The following A2ML1 variants were observed in gnomAD, a reference collection of about 807,000 sequenced individuals.
A2ML1 encodes the protein alpha-2-macroglobulin like 1, also known as alpha-2-macroglobulin-like protein 1.
A2ML1 carries 161 observed loss-of-function variants against 181.9 expected under a neutral mutation model. That is an observed-to-expected ratio of 0.89 (90% CI 0.78 to 1.01). The LOEUF (loss-of-function observed/expected upper bound fraction) is 1.01. Among genes scored for constraint, A2ML1 ranks in the 50% least tolerant of loss-of-function variants. A2ML1 has a pLI of 0.00. For synonymous variants in A2ML1, 663 were observed against 666.8 expected, an observed-to-expected ratio of 0.99 and a Z score of 0.09; for missense variants, 1,670 against 1,768.1, an observed-to-expected ratio of 0.94 and a Z score of 1.00.
rs756360339 is a variant in A2ML1 at position 8,843,721 on chromosome 12, C to CTT, written c.1476+374_1476+375dup. Among the ~76,000 whole-genome samples the CTT allele has an allele frequency of 5.9e-4, 79 of 133,612 alleles. 1 individual carries two copies. Among genetic ancestry groups the CTT allele is most frequent in the South Asian group, 1.4e-3 (6 of 4,152 alleles). The allele number at this position is 133,612 out of a possible 152,430, so 87.7% of individuals were successfully genotyped here. On this transcript the variant is annotated intron_variant, in intron 12 of 35. Coordinates refer to ENST00000299698, the MANE Select transcript of A2ML1 (RefSeq NM_144670.6). ...AAGTATTCAATATTCCTTTTTTTTT[C>CTT]TTTTTTTTTTTTTTTGAGACACAGT...
chr12:8,868,812 A>G (rs1202430495), intron 32 of A2ML1, among the ~76,000 whole-genome samples, 185 bp downstream of exon 32: 1 of 152,024 alleles, frequency 6.6e-6, no homozygotes, highest in Non-Finnish European at 1.5e-5. Context: ...ATATATATAT[A>G]TGGCATCCAT....
At chr12:8,824,330 GT>G (rs1334282409) in intron 3 of A2ML1, among the ~76,000 whole-genome samples, 1 of 147,564 alleles carries the variant, frequency 6.8e-6, no homozygotes, top group African/African-American at 2.5e-5. Flanking sequence ...CTATGTTTGG[GT>G]TTTTTTTATT....
chr12:8,868,279 G>A lies in A2ML1; in HGVS notation c.3983G>A (p.Ser1328Asn). 1 of 1,613,974 alleles carries A rather than the reference G, an allele frequency of 6.2e-7. No individual in the cohort carries two copies. The highest frequency in any genetic ancestry group is 2.2e-5 in the East Asian group (1 of 44,884). ...CCTCCCACAAATATGAAGACCTTTA[G>A]TCTTAGTGTGGAAATAGGAAAAGCT... ...ILPPTNMKTF[S>N]LSVEIGKARC... Residue 1328 changes from serine (S) to asparagine (N), a missense_variant, in exon 31 of 36, where the codon AGT (serine) becomes AAT (asparagine). Physicochemically the swap from Ser to Asn is conservative, Grantham distance 46 (BLOSUM62 1). Transcript: ENST00000299698.
At chr12:8,861,651 C>T (rs1016681221) in intron 28 of A2ML1, among the ~76,000 whole-genome samples, 48 of 151,668 alleles carry the variant, frequency 3.2e-4, no homozygotes, top group African/African-American at 2.2e-4. Context: ...CCACGCCCGG[C>T]GAATTTTTTG....
chr12:8,887,256 G>A (rs751545553), downstream of A2ML1, among the ~76,000 whole-genome samples: 209 of 152,282 alleles, frequency 1.4e-3, 1 homozygote, highest in African/African-American at 4.8e-3. Context: ...TAAATTTACA[G>A]TTTAAAGTTA....
chr12:8,884,450 G>C (rs886823540), intron 7 of A2ML1, among the ~76,000 whole-genome samples: 1 of 151,608 alleles, frequency 6.6e-6, no homozygotes, highest in Non-Finnish European at 1.5e-5. Flanking sequence ...AGACTCCAGT[G>C]TCTGTTTTTC....
downstream of A2ML1, among the ~76,000 whole-genome samples, chr12:8,879,871 G>T (rs997215075): frequency 9.9e-5 from 15 of 152,186 alleles, no homozygotes; most frequent in Admixed American, 5.9e-4. Flanking sequence ...AGTGACACTT[G>T]GTATTACAGT....
At chr12:8,845,569 C>T (rs1427757259) in intron 13 of A2ML1, 67 bp downstream of exon 13, 15 of 1,553,492 alleles carry the variant, frequency 9.7e-6, no homozygotes, top group Admixed American at 5.2e-5. Flanking sequence ...AATTCTTGGC[C>T]AGGCGCGGTG....
intron 11 of A2ML1, 27 bp downstream of exon 11, chr12:8,841,563 C>T (rs769313610): frequency 1.3e-6 from 2 of 1,585,558 alleles, no homozygotes; most frequent in East Asian, 2.3e-5. Flanking sequence ...GACCAGCTTC[C>T]TAGAAAGGAA....
At chr12:8,853,127 T>C (rs965990379) in intron 20 of A2ML1, among the ~76,000 whole-genome samples, 3 of 152,098 alleles carry the variant, frequency 2.0e-5, no homozygotes, top group African/African-American at 7.2e-5. Context: ...CCGGAGTAGC[T>C]GGGACTATAG....
intron 15 of A2ML1, among the ~76,000 whole-genome samples, chr12:8,848,137 A>C (rs1456289026): frequency 2.0e-5 from 3 of 150,960 alleles, no homozygotes; most frequent in Non-Finnish European, 3.0e-5. Flanking sequence ...TCAAAAACAA[A>C]AAAAAAAAAA....
intron 11 of A2ML1, 60 bp from the exon 12 acceptor site, chr12:8,843,074 C>G (rs1943543722): frequency 1.4e-6 from 2 of 1,470,994 alleles, no homozygotes; most frequent in Admixed American, 1.7e-5. Context: ...CGTAACAAGT[C>G]CGTGGGGTTT....
Position 8,823,455 on chromosome 12 carries a change from T to G in A2ML1, c.246+90T>G, listed in dbSNP as rs957108921. ...TAATCTACTTTAAGTATAATTTCTG[T>G]TATCTTTTGCCACGGCCTCTAAACC... On this transcript the variant is annotated intron_variant, in intron 2 of 35. Coordinates refer to ENST00000299698, the MANE Select transcript of A2ML1 (RefSeq NM_144670.6). 2.1e-6 allele frequency: 3 copies of G among 1,417,852 alleles called. No homozygotes were observed. In the African/African-American group the frequency reaches 4.3e-5, roughly 20 times the overall value. The allele number at this position is 1,417,852 out of a possible 1,614,324, so 87.8% of individuals were successfully genotyped here.
intron 32 of A2ML1, among the ~76,000 whole-genome samples, chr12:8,868,931 T>C (rs1353806964): frequency 1.3e-5 from 2 of 152,128 alleles, no homozygotes; most frequent in Non-Finnish European, 2.9e-5. Context: ...TATATATTCA[T>C]ACACACAAAC....
At chr12:8,829,480 A>G (rs1943039516) in intron 3 of A2ML1, among the ~76,000 whole-genome samples, 1 of 151,980 alleles carries the variant, frequency 6.6e-6, no homozygotes, top group African/African-American at 2.4e-5. Flanking sequence ...CCTGGCCAAC[A>G]TGGTGAAACC....
chr12:8,843,361 T>A lies in A2ML1; in HGVS notation c.1476T>A (p.Tyr492Ter), dbSNP rs759551673. ...ACCAAGAGATCAGCTTCTCCTACTA[T>A]GTGAGACCGGGAAACGGGGACGGGT... The part of the protein sequence containing the change: ...SPDQEISFSY[Y>*]LIGKGSLVME... Residue 492 changes from tyrosine (Y) to a stop codon, truncating the protein, a stop_gained and splice_region_variant, in exon 12 of 36, where the codon TAT becomes TAA. Coordinates refer to ENST00000299698, the MANE Select transcript of A2ML1 (RefSeq NM_144670.6). LOFTEE classifies it high-confidence loss of function. The A allele has an allele frequency of 1.2e-6, 2 of 1,612,286 alleles. No individual in the cohort carries two copies. The highest frequency in any genetic ancestry group is 3.3e-5 in the Admixed American group (2 of 59,974).
Position 8,838,369 on chromosome 12 carries a change from G to C in A2ML1, c.889G>C (p.Asp297His). The change falls in exon 9 of 36, where the codon GAC becomes CAC. Residue 297 changes from aspartate (D) to histidine (H), a missense_variant. Coordinates refer to ENST00000299698, the MANE Select transcript of A2ML1 (RefSeq NM_144670.6). Reference sequence around the variant, plus strand: ...AACAGGATGTTTCTCAGCACCTGTGGACATGGCCACCTTTGACCTCATTGG... The same window carrying C: ...AACAGGATGTTTCTCAGCACCTGTGCACATGGCCACCTTTGACCTCATTGG... ...DKTGCFSAPV[D>H]MATFDLIGYA... The C allele has an allele frequency of 6.2e-7, 1 of 1,613,806 alleles. No homozygotes were observed. Among genetic ancestry groups the C allele is most frequent in the Non-Finnish European group, 8.5e-7 (1 of 1,179,842 alleles).
At chr12:8,876,905 C>T (rs1944814048), downstream of A2ML1, 1 of 152,174 alleles carries the variant, frequency 6.6e-6, no homozygotes, top group South Asian at 2.1e-4. Context: ...ACCCAGACTT[C>T]TCAAAGAATC....
intron 20 of A2ML1, among the ~76,000 whole-genome samples, chr12:8,853,472 G>A (rs778737837): frequency 6.6e-6 from 1 of 152,332 alleles, no homozygotes; most frequent in Non-Finnish European, 1.5e-5. Flanking sequence ...TCATTAATCT[G>A]GGTGCAGCTT....
Sources: allele counts gnomAD v4.1 joint callset (sites outside exome capture counted in the v4.1 genomes callset), GRCh38; gene constraint gnomAD v4.1.1; transcripts MANE v1.5; gene names NCBI Gene and HGNC (gene_info 2026-07-23, HGNC 2026-07-21).